The following ATP2C1 variants were observed in gnomAD, a reference collection of about 807,000 sequenced individuals.
ATP2C1 encodes the protein ATPase secretory pathway Ca2+ transporting 1.
Under a neutral mutation model 120.5 loss-of-function variants are expected in ATP2C1, and 31 were observed. That is an observed-to-expected ratio of 0.26 (90% confidence interval 0.19 to 0.35). ATP2C1 has a LOEUF of 0.35. Among genes scored for constraint, ATP2C1 ranks in the 10% least tolerant of loss-of-function variants. The probability of loss-of-function intolerance (pLI) is 1.00; values close to 1 mark genes in which losing one functional copy is unlikely to be tolerated. For missense variants in ATP2C1, 731 were observed against 1,107.5 expected, an observed-to-expected ratio of 0.66 and a Z score of 4.83; for synonymous variants, 351 against 358.7, an observed-to-expected ratio of 0.98 and a Z score of 0.24.
chr3:130,896,081 T>C (rs1056985901), intron 2 of ATP2C1, among the ~76,000 whole-genome samples: 1 of 152,240 alleles, frequency 6.6e-6, no homozygotes, highest in African/African-American at 2.4e-5. Flanking sequence ...AGACAAAGAA[T>C]GTTAAATGCA....
chr3:130,958,621 C>G (rs1475136605), intron 11 of ATP2C1, among the ~76,000 whole-genome samples: 3 of 152,110 alleles, frequency 2.0e-5, no homozygotes, highest in African/African-American at 7.2e-5. Flanking sequence ...TTTTTCCTCA[C>G]AAACCTGCTT....
At chr3:130,968,048 T>G (rs913245749) in intron 16 of ATP2C1, among the ~76,000 whole-genome samples, 1 of 152,168 alleles carries the variant, frequency 6.6e-6, no homozygotes, top group Non-Finnish European at 1.5e-5. Context: ...CAGAGAAAAT[T>G]TTGATACTTG....
intron 11 of ATP2C1, among the ~76,000 whole-genome samples, chr3:130,957,759 G>A (rs1208117866): frequency 1.3e-5 from 2 of 151,984 alleles, no homozygotes; most frequent in East Asian, 3.9e-4. Flanking sequence ...TACCACATTG[G>A]CCAGGCTGGT....
chr3:130,970,921 T>C (rs1281665850), intron 17 of ATP2C1, among the ~76,000 whole-genome samples: 1 of 152,152 alleles, frequency 6.6e-6, no homozygotes, highest in Non-Finnish European at 1.5e-5. Context: ...AGGAACTATG[T>C]TCATGAGGGC....
intron 26 of ATP2C1, among the ~76,000 whole-genome samples, chr3:130,999,312 A>C (rs56271120): frequency 6.6e-6 from 1 of 152,076 alleles, no homozygotes; most frequent in African/African-American, 2.4e-5. Flanking sequence ...TTTCTTGATA[A>C]ATAAAATAAA....
chr3:130,975,495 C>A lies in ATP2C1; in HGVS notation c.1570+7C>A, dbSNP rs1186488836. The A allele has an allele frequency of 2.5e-6, 4 of 1,613,076 alleles. No homozygotes were observed. The highest frequency in any genetic ancestry group is 3.4e-6 in the Non-Finnish European group (4 of 1,179,576). On this transcript the variant is annotated splice_region_variant and intron_variant, in intron 18 of 27. Coordinates refer to ENST00000510168, the MANE Select transcript of ATP2C1 (RefSeq NM_001378687.1). ...GGCTCAGCGGGACTCAGAGGTAAGG[C>A]TATTTCAGCATAGTCCCCTGGGGTG...
chr3:130,997,487 ATT>A (rs1356050016), intron 24 of ATP2C1, 117 bp from the exon 25 acceptor site: 1 of 952,062 alleles, frequency 1.1e-6, no homozygotes, highest in East Asian at 2.5e-5. Context: ...ATGATGCAAC[ATT>A]TTGTTTCTAT....
At chr3:130,906,905 T>A (rs1379995683) in intron 2 of ATP2C1, among the ~76,000 whole-genome samples, 2 of 152,192 alleles carry the variant, frequency 1.3e-5, no homozygotes, top group East Asian at 3.9e-4. Context: ...AGTACCACAA[T>A]GTTTTGGTTA....
At chr3:130,941,248 G>GTGTGTGTGTC (rs1559951589) in intron 7 of ATP2C1, among the ~76,000 whole-genome samples, 5 of 148,884 alleles carry the variant, frequency 3.4e-5, no homozygotes, top group Non-Finnish European at 7.5e-5. Context: ...GTGTGTGTGT[G>GTGTGTGTGTC]TGTGTGTGTG....
intron 8 of ATP2C1, among the ~76,000 whole-genome samples, chr3:130,948,495 A>C (rs1281621456): frequency 1.3e-5 from 2 of 152,010 alleles, no homozygotes; most frequent in Non-Finnish European, 2.9e-5. Context: ...CAATGGTTTG[A>C]TTATAATGTG....
At chr3:131,013,575 G>T (rs1050808054) in intron 26 of ATP2C1, among the ~76,000 whole-genome samples, 2 of 152,128 alleles carry the variant, frequency 1.3e-5, no homozygotes, top group Admixed American at 1.3e-4. Context: ...TCCTGTCATG[G>T]TCTCATTGAC....
At chr3:130,859,455 A>G (rs1336150823) in intron 1 of ATP2C1, among the ~76,000 whole-genome samples, 2 of 152,232 alleles carry the variant, frequency 1.3e-5, no homozygotes, top group Non-Finnish European at 2.9e-5. Context: ...GTATAACGAT[A>G]AATAGCTAAA....
intron 2 of ATP2C1, among the ~76,000 whole-genome samples, chr3:130,910,107 A>C (rs1375790803): frequency 6.6e-6 from 1 of 152,122 alleles, no homozygotes; most frequent in African/African-American, 2.4e-5. Flanking sequence ...CTGCCTGATA[A>C]TCAGCTTGTT....
At chr3:130,917,797 A>G (rs983839597) in intron 2 of ATP2C1, among the ~76,000 whole-genome samples, 1 of 151,902 alleles carries the variant, frequency 6.6e-6, no homozygotes, top group African/African-American at 2.4e-5. Context: ...TTGATTAGCT[A>G]CTCTCCATTT....
intron 20 of ATP2C1, among the ~76,000 whole-genome samples, chr3:130,989,959 C>G (rs2062240839): frequency 6.6e-6 from 1 of 151,990 alleles, no homozygotes. Context: ...GATTTTTGAA[C>G]TTTTTTGAAA....
chr3:130,911,197 A>G (rs2058391313), intron 2 of ATP2C1, among the ~76,000 whole-genome samples: 1 of 130,316 alleles, frequency 7.7e-6, no homozygotes, highest in Admixed American at 7.8e-5. Context: ...GTGTTGAGGA[A>G]TTTATCCATT....
At chr3:131,014,202 C>CT (rs756657713) in intron 26 of ATP2C1, 7,434 of 1,111,842 alleles carry the variant, frequency 6.7e-3, no homozygotes, top group Non-Finnish European at 7.2e-3. Context: ...TTTCTTCTGC[C>CT]TTTTTTTTTT....
At chr3:130,925,299 G>A (rs753545900) in intron 2 of ATP2C1, among the ~76,000 whole-genome samples, 1 of 152,146 alleles carries the variant, frequency 6.6e-6, no homozygotes, top group African/African-American at 2.4e-5. Flanking sequence ...CTTTCCCCTA[G>A]GAATGGGGCT....
intron 20 of ATP2C1, among the ~76,000 whole-genome samples, chr3:130,990,282 C>CCT (rs1560021294): frequency 7.1e-6 from 1 of 140,144 alleles, no homozygotes; most frequent in Non-Finnish European, 1.6e-5. Flanking sequence ...ACCCCCCCCC[C>CCT]CACAAAAAAA....
Sources: gnomAD v4.1 joint callset for allele counts (sites outside exome capture counted in the v4.1 genomes callset) on GRCh38, gnomAD v4.1.1 for gene constraint, MANE v1.5 for transcripts, NCBI Gene and HGNC (gene_info 2026-07-23, HGNC 2026-07-21) for gene names.